The following RPS6KA2 variants were observed in gnomAD, a reference collection of about 807,000 sequenced individuals.
RPS6KA2 encodes ribosomal protein S6 kinase alpha-2.
A neutral mutation model predicts 91.8 loss-of-function variants in RPS6KA2; 42 were observed. The observed-to-expected ratio is 0.46, with a 90% CI of 0.36 to 0.59. The LOEUF (loss-of-function observed/expected upper bound fraction) is 0.59, where lower values mean the gene tolerates loss of function less well. Ranked by LOEUF, RPS6KA2 falls within the 20% of genes least tolerant of loss-of-function variation. The pLI, the probability that RPS6KA2 is intolerant of heterozygous loss-of-function variation, is 0.00. For synonymous variants in RPS6KA2, 414 were observed against 393.6 expected (o/e 1.05, Z -0.61); for missense variants, 798 against 978.5 (o/e 0.82, Z 2.46).
At chr6:166,832,194 G>T (rs1182476838) in intron 2 of RPS6KA2, among the ~76,000 whole-genome samples, 2 of 152,182 alleles carry the variant, frequency 1.3e-5, no homozygotes, top group Non-Finnish European at 2.9e-5. Context: ...TATTTTTAAT[G>T]AAGTAAACAG....
At chr6:166,661,302 G>A (rs896393704) in intron 2 of RPS6KA2, among the ~76,000 whole-genome samples, 7 of 152,126 alleles carry the variant, frequency 4.6e-5, no homozygotes, top group Admixed American at 6.5e-5. Flanking sequence ...GGTTTACCAC[G>A]TTGGCCAGGC....
chr6:166,564,564 G>T (rs1241045038), intron 1 of RPS6KA2, among the ~76,000 whole-genome samples: 1 of 152,200 alleles, frequency 6.6e-6, no homozygotes, highest in African/African-American at 2.4e-5. Flanking sequence ...AATGACAGTT[G>T]ACAGATTTCA....
In RPS6KA2 at chr6:166,508,928, G is replaced by C. The variant is rs898985442; in HGVS notation, c.380-646C>G. Reference sequence around the variant, plus strand: ...AAGGGCCTGCCTCTGTTGAGCGGGCGCATGAGCACGGGAGGGTCTAGAGAA... The same window carrying C: ...AAGGGCCTGCCTCTGTTGAGCGGGCCCATGAGCACGGGAGGGTCTAGAGAA... On this transcript the variant is annotated intron_variant, in intron 4 of 20. Transcript: ENST00000265678. This position sits in a 1 kb window ranked among gnomAD's most constrained non-coding sequence, Gnocchi z 4.3. Among the ~76,000 whole-genome samples, 1 of 152,200 alleles carries C rather than the reference G, an allele frequency of 6.6e-6. No individual in the cohort carries two copies. The highest frequency in any genetic ancestry group is 2.1e-4 in the South Asian group (1 of 4,826).
At chr6:166,748,357 G>A (rs1197460206) in intron 2 of RPS6KA2, among the ~76,000 whole-genome samples, 1 of 152,102 alleles carries the variant, frequency 6.6e-6, no homozygotes, top group East Asian at 1.9e-4. Context: ...AGTAATGGGT[G>A]TTTCTGCGGT....
chr6:166,781,354 G>A (rs886945651), intron 2 of RPS6KA2, among the ~76,000 whole-genome samples: 20 of 152,190 alleles, frequency 1.3e-4, no homozygotes, highest in Admixed American at 6.5e-4. Flanking sequence ...TCACTTGGAC[G>A]CTGTCCTCAC....
chr6:166,769,829 C>T (rs548123459), intron 2 of RPS6KA2, among the ~76,000 whole-genome samples: 3 of 152,316 alleles, frequency 2.0e-5, no homozygotes, highest in Admixed American at 6.5e-5. Context: ...AAAAGGCGGC[C>T]GCATCCTTGT....
At chr6:166,698,979 T>A (rs117129574) in intron 2 of RPS6KA2, among the ~76,000 whole-genome samples, 464 of 152,140 alleles carry the variant, frequency 3.0e-3, no homozygotes, top group Non-Finnish European at 4.7e-3. Flanking sequence ...GGTCAGGTGG[T>A]CAGATGTGTT....
At chr6:166,813,752 G>A (rs1099648) in intron 2 of RPS6KA2, among the ~76,000 whole-genome samples, 92,083 of 151,992 alleles carry the variant, frequency 0.61, 29,978 homozygotes, top group Non-Finnish European at 0.74. Context: ...AAGGATGCCA[G>A]TCATGTCATT....
Position 166,467,171 on chromosome 6 carries a change from C to T in RPS6KA2, c.972+2670G>A, listed in dbSNP as rs928723288. ...ATTCACTCACTCATTAACTCACTCA[C>T]TCACTCCCTTACTCATTCACTCACT... is the stretch of plus-strand genomic sequence containing the variant. On this transcript the variant is annotated intron_variant, in intron 11 of 20. Coordinates refer to ENST00000265678, the MANE Select transcript of RPS6KA2 (RefSeq NM_021135.6). 3.3e-5 allele frequency among the ~76,000 whole-genome samples: 5 copies of T among 152,118 alleles called. No individual in the cohort carries two copies. The East Asian group carries it at 7.7e-4, about 23-fold the overall frequency.
intron 1 of RPS6KA2, among the ~76,000 whole-genome samples, chr6:166,615,613 C>A (rs1412946290): frequency 6.6e-6 from 1 of 152,158 alleles, no homozygotes; most frequent in African/African-American, 2.4e-5. Flanking sequence ...CCAACGGTGC[C>A]CACACACCGT....
rs140724056 is a variant in RPS6KA2 at position 166,606,858 on chromosome 6, C to T, written c.99+20063G>A. ...TAACAAGTGGGGAAAAAATGGATCT[C>T]GGCTGGGCATGGTGGCTCACGCCTG... On this transcript the variant is annotated intron_variant, in intron 1 of 20. Coordinates refer to ENST00000265678, the MANE Select transcript of RPS6KA2 (RefSeq NM_021135.6). Among the ~76,000 whole-genome samples the T allele has an allele frequency of 2.0e-3, 297 of 152,130 alleles. 2 individuals are homozygous for T. The highest frequency in any genetic ancestry group is 6.9e-3 in the African/African-American group (287 of 41,520).
chr6:166,716,065 G>GGAAAGAAA (rs368354665), intron 2 of RPS6KA2, among the ~76,000 whole-genome samples: 16,566 of 82,940 alleles, frequency 0.2, 1,294 homozygotes, highest in East Asian at 0.31. Flanking sequence ...AAAAAAAGAA[G>GGAAAGAAA]GAAAGAAAGA....
chr6:166,525,803 T>C (rs1334670675), intron 3 of RPS6KA2, among the ~76,000 whole-genome samples: 1 of 152,204 alleles, frequency 6.6e-6, no homozygotes, highest in African/African-American at 2.4e-5. Context: ...GCGTTCCTTC[T>C]TTCTCCTTGA....
intron 4 of RPS6KA2, among the ~76,000 whole-genome samples, chr6:166,509,713 G>C (rs935310893): frequency 1.3e-5 from 2 of 152,166 alleles, no homozygotes; most frequent in Non-Finnish European, 2.9e-5. Context: ...TTCACTTACT[G>C]CTTCTCTGTT....
chr6:166,418,280 C>T lies in RPS6KA2; in HGVS notation c.1883G>A (p.Ser628Asn), dbSNP rs1340065928. ...TCCCCCAGAAAGGGCATACTTCCCA[C>T]TGCCGATCCGCGCCAGAATCTCCTC... ...TPEEILARIG[S>N]GKYALSGGNW... The change falls in exon 19 of 21, where the codon AGT becomes AAT. Residue 628 changes from serine (S) to asparagine (N), a missense_variant. Ser to Asn is a conservative substitution (Grantham distance 46). Transcript: ENST00000265678. This position sits in a 1 kb window ranked among gnomAD's most constrained non-coding sequence, Gnocchi z 4.9. 6 of 1,614,176 alleles carry T rather than the reference C, an allele frequency of 3.7e-6. No homozygotes were observed. The highest frequency in any genetic ancestry group is 5.1e-6 in the Non-Finnish European group (6 of 1,180,020).
chr6:166,670,161 G>T (rs1395967666), intron 2 of RPS6KA2, among the ~76,000 whole-genome samples: 1 of 152,232 alleles, frequency 6.6e-6, no homozygotes, highest in Non-Finnish European at 1.5e-5. Flanking sequence ...CTGCGTTCAG[G>T]GTGCCCTTCC....
At chr6:166,453,226 CACACAA>C (rs768920812) in intron 12 of RPS6KA2, among the ~76,000 whole-genome samples, 5 of 147,330 alleles carry the variant, frequency 3.4e-5, no homozygotes, top group South Asian at 2.1e-4. Context: ...CACACACACA[CACACAA>C]AAAGGCTTTA....
At chr6:166,506,941 G>A (rs1782248594) in intron 5 of RPS6KA2, among the ~76,000 whole-genome samples, 2 of 152,276 alleles carry the variant, frequency 1.3e-5, no homozygotes, top group African/African-American at 2.4e-5. Flanking sequence ...CCCATGAAGC[G>A]GGGTGCTTTT....
chr6:166,831,731 TACC>T (rs1325399438), intron 2 of RPS6KA2, among the ~76,000 whole-genome samples: 2 of 151,266 alleles, frequency 1.3e-5, no homozygotes, highest in Non-Finnish European at 2.9e-5. Flanking sequence ...AATTGTATTT[TACC>T]ACATCTACAT....
Sources: gnomAD v4.1 joint callset for allele counts (sites outside exome capture counted in the v4.1 genomes callset) on GRCh38, gnomAD v4.1.1 for gene constraint, Gnocchi (gnomAD v3.1) non-coding constraint, MANE v1.5 for transcripts, NCBI Gene and HGNC (gene_info 2026-07-23, HGNC 2026-07-21) for gene names.